PUM1: variants seen among roughly 807,000 people sequenced by gnomAD.
The protein encoded by PUM1 is pumilio homolog 1.
Under a neutral mutation model 131.8 loss-of-function variants are expected in PUM1, and 13 were observed. The ratio of observed to expected loss-of-function variants is 0.10; its 90% CI spans 0.06 to 0.16. The LOEUF (loss-of-function observed/expected upper bound fraction) is 0.16, where lower values mean the gene tolerates loss of function less well. Ranked by LOEUF, PUM1 falls within the 10% of genes least tolerant of loss-of-function variation. PUM1 has a pLI of 1.00. For synonymous variants in PUM1, 509 were observed against 556.5 expected (o/e 0.91, Z 1.20); for missense variants, 961 against 1,512.4 (o/e 0.64, Z 6.05).
At chr1:30,972,294 G>A (rs868488757) in intron 10 of PUM1, among the ~76,000 whole-genome samples, 17 of 184 alleles carry the variant, frequency 0.092, no homozygotes, top group Non-Finnish European at 0.11. Flanking sequence ...AAGGGGAGGG[G>A]AGGGGAGGGG....
At chr1:31,017,827 T>C (rs575290884) in intron 3 of PUM1, among the ~76,000 whole-genome samples, 1 of 152,128 alleles carries the variant, frequency 6.6e-6, no homozygotes, top group Non-Finnish European at 1.5e-5. Flanking sequence ...TCTAATCCAA[T>C]AGGCAACAGT....
In PUM1 at chr1:30,974,783, G is replaced by A; in HGVS notation, c.1374C>T (p.His458=). The A allele has an allele frequency of 4.3e-6, 7 of 1,611,604 alleles. No individual in the cohort carries two copies. The highest frequency in any genetic ancestry group is 5.9e-6 in the Non-Finnish European group (7 of 1,179,032). Residue 458 remains histidine (H), a synonymous_variant, in exon 10 of 22, where the codon CAC becomes CAT. Transcript: ENST00000426105. ...AATLGPAVVP[H]QYYGVTPWGV... ...CCCAGGGAGTAACTCCATAATACTGGTGAGGGACCACAGCTGGGCCTAAAA... is the reference window on the plus strand; with the variant it reads ...CCCAGGGAGTAACTCCATAATACTGATGAGGGACCACAGCTGGGCCTAAAA...
chr1:31,004,315 C>A (rs1642322274), intron 5 of PUM1, among the ~76,000 whole-genome samples: 1 of 152,152 alleles, frequency 6.6e-6, no homozygotes, highest in South Asian at 2.1e-4. Context: ...CTGGTTAGTG[C>A]CCAAGAATTA....
intron 9 of PUM1, among the ~76,000 whole-genome samples, chr1:30,977,182 G>C (rs543205502): frequency 1.3e-5 from 2 of 152,326 alleles, no homozygotes; most frequent in African/African-American, 4.8e-5. Flanking sequence ...ATGCTGAATA[G>C]ATGAACTGTG....
intron 20 of PUM1, among the ~76,000 whole-genome samples, chr1:30,939,400 C>T (rs1018602068): frequency 6.6e-6 from 1 of 152,226 alleles, no homozygotes; most frequent in Non-Finnish European, 1.5e-5. Context: ...CCCCCCCGAA[C>T]CCCTTCCGGC....
In PUM1 at chr1:30,952,286, T is replaced by C. The variant is rs1393288322; in HGVS notation, c.2669A>G (p.Tyr890Cys). The C allele has an allele frequency of 1.9e-6, 3 of 1,614,116 alleles. No homozygotes were observed. Among genetic ancestry groups the C allele is most frequent in the East Asian group, 2.2e-5 (1 of 44,874 alleles). Residue 890 changes from tyrosine (Y) to cysteine (C), a missense_variant, in exon 16 of 22, where the codon TAC becomes TGC. By Grantham distance (194) the Tyr-to-Cys change is radical. This residue lies in a region of PUM1 where 117 missense variants were observed against 200.7 expected (regional missense o/e 0.58). Coordinates refer to ENST00000426105, the MANE Select transcript of PUM1 (RefSeq NM_001020658.2). ...ACCAAACACATCCACCATGAGTTGG[T>C]AGGCAGCCTGGAGGATTTCATTGAA... is the stretch of plus-strand genomic sequence containing the variant. ...LVFNEILQAA[Y>C]QLMVDVFGNY...
chr1:30,939,926 A>AT (rs1210946599), intron 20 of PUM1, among the ~76,000 whole-genome samples: 1 of 152,160 alleles, frequency 6.6e-6, no homozygotes, highest in Admixed American at 6.5e-5. Context: ...CTTAGGCTAT[A>AT]TCCAAGGGTG....
chr1:31,029,875 C>A (rs1052179409), intron 2 of PUM1, among the ~76,000 whole-genome samples: 6 of 147,548 alleles, frequency 4.1e-5, no homozygotes, highest in South Asian at 4.3e-4. Flanking sequence ...GATCGCACCA[C>A]TGGACTCCAA....
At chr1:31,051,740 A>T (rs749742734) in intron 2 of PUM1, among the ~76,000 whole-genome samples, 2 of 152,072 alleles carry the variant, frequency 1.3e-5, no homozygotes, top group Non-Finnish European at 2.9e-5. Flanking sequence ...CTGTCCTCCA[A>T]ATTTCCCTTC....
intron 20 of PUM1, among the ~76,000 whole-genome samples, chr1:30,937,821 T>C (rs1639276703): frequency 6.6e-6 from 1 of 151,996 alleles, no homozygotes; most frequent in Admixed American, 6.6e-5. Context: ...CAGGCTGGAG[T>C]GCAATGGCAT....
chr1:31,025,852 G>T (rs888914059), intron 3 of PUM1, among the ~76,000 whole-genome samples: 2 of 150,880 alleles, frequency 1.3e-5, no homozygotes, highest in East Asian at 4.1e-4. Context: ...CACCACGCCC[G>T]GCCAGTAAAT....
chr1:30,933,983 C>G (rs754509405), intron 21 of PUM1, among the ~76,000 whole-genome samples: 15 of 152,212 alleles, frequency 9.9e-5, no homozygotes, highest in South Asian at 2.1e-4. Context: ...AAGGACAGCA[C>G]AGATAGCTGA....
At chr1:30,960,165 AGT>A (rs1344830819) in intron 14 of PUM1, among the ~76,000 whole-genome samples, 2 of 152,160 alleles carry the variant, frequency 1.3e-5, no homozygotes, top group Non-Finnish European at 2.9e-5. Context: ...CTTTATCCAA[AGT>A]ACTTGGGACC....
chr1:31,012,397 A>G (rs1406353720), intron 3 of PUM1, among the ~76,000 whole-genome samples: 1 of 151,820 alleles, frequency 6.6e-6, no homozygotes, highest in Non-Finnish European at 1.5e-5. Flanking sequence ...AAATAAATAG[A>G]CCTTGTACTC....
intron 10 of PUM1, among the ~76,000 whole-genome samples, chr1:30,970,412 G>C (rs562359637): frequency 1.3e-5 from 2 of 152,200 alleles, no homozygotes; most frequent in Non-Finnish European, 2.9e-5. Context: ...ATTAACAAAT[G>C]ATCTTGCAGA....
At chr1:30,959,773 G>C (rs1640328801) in intron 14 of PUM1, among the ~76,000 whole-genome samples, 1 of 151,940 alleles carries the variant, frequency 6.6e-6, no homozygotes, top group Admixed American at 6.6e-5. Context: ...CGGGCGTGGT[G>C]GTGGGCGCCT....
chr1:30,982,909 C>A (rs1365634876), intron 7 of PUM1, among the ~76,000 whole-genome samples: 1 of 152,120 alleles, frequency 6.6e-6, no homozygotes, highest in Non-Finnish European at 1.5e-5. Context: ...GCACAGATTT[C>A]AAAAATACTT....
chr1:30,952,577 A>G (rs1211469777), intron 15 of PUM1, among the ~76,000 whole-genome samples: 2 of 151,572 alleles, frequency 1.3e-5, no homozygotes, highest in Non-Finnish European at 2.9e-5. Flanking sequence ...AACTTAATTG[A>G]GCTTTGAAAA....
chr1:31,027,835 T>G (rs965649077), intron 3 of PUM1, among the ~76,000 whole-genome samples: 1 of 152,182 alleles, frequency 6.6e-6, no homozygotes, highest in Non-Finnish European at 1.5e-5. Flanking sequence ...AAAGAACAAA[T>G]GTATCTAATA....
Sources: gnomAD v4.1 joint callset for allele counts (sites outside exome capture counted in the v4.1 genomes callset) on GRCh38, gnomAD v4.1.1 for gene constraint, gnomAD v4.1.1 regional missense constraint, MANE v1.5 for transcripts, NCBI Gene and HGNC (gene_info 2026-07-23, HGNC 2026-07-21) for gene names.